Variants in CLDN16 observed in about 807,000 individuals in gnomAD.
CLDN16 encodes claudin-16.
In CLDN16, 13 loss-of-function variants were observed where a neutral mutation model predicts 24.6. That is an observed-to-expected ratio of 0.53 (90% confidence interval 0.34 to 0.84). The LOEUF (loss-of-function observed/expected upper bound fraction) is 0.84. Ranked by LOEUF, CLDN16 falls within the 40% of genes least tolerant of loss-of-function variation. The pLI is 0.01. For synonymous variants in CLDN16, 116 were observed against 106.7 expected (o/e 1.09, Z -0.54); for missense variants, 298 against 292.7 (o/e 1.02, Z -0.13).
At chr3:190,354,854 C>T (rs1348012533) in intron 1 of CLDN16, among the ~76,000 whole-genome samples, 1 of 151,988 alleles carries the variant, frequency 6.6e-6, no homozygotes, top group Non-Finnish European at 1.5e-5. Context: ...TCCATTCCTG[C>T]CCTTTCTGAA....
chr3:190,408,655 T>C (rs544345542), intron 4 of CLDN16, 150 bp downstream of exon 4: 11 of 727,090 alleles, frequency 1.5e-5, no homozygotes, highest in African/African-American at 1.2e-4. Flanking sequence ...GGCAATTGAA[T>C]TGTAATACTC....
chr3:190,375,290 GT>G (rs1465341706), intron 3 of CLDN16, among the ~76,000 whole-genome samples: 3 of 151,938 alleles, frequency 2.0e-5, no homozygotes, highest in African/African-American at 4.8e-5. Flanking sequence ...GATTTAGGCT[GT>G]TTCATTTTGT....
intron 3 of CLDN16, among the ~76,000 whole-genome samples, chr3:190,377,775 G>A (rs768678218): frequency 9.9e-5 from 15 of 151,964 alleles, no homozygotes; most frequent in African/African-American, 1.4e-4. Context: ...CTGCCCTTAT[G>A]AATCTTACAG....
At chr3:190,343,755 G>A (rs1717488740) in intron 1 of CLDN16, among the ~76,000 whole-genome samples, 1 of 152,006 alleles carries the variant, frequency 6.6e-6, no homozygotes, top group Admixed American at 6.6e-5. Context: ...TAAAAAAATG[G>A]CAGGGGAGTC....
chr3:190,408,181 G>A, intron 3 of CLDN16, 133 bp from the exon 4 acceptor site: 2 of 852,644 alleles, frequency 2.3e-6, no homozygotes, highest in Non-Finnish European at 4.1e-6. Flanking sequence ...CGAAGTTCGG[G>A]TTGCCCATGA....
intron 3 of CLDN16, among the ~76,000 whole-genome samples, chr3:190,377,057 C>A (rs1247813048): frequency 1.3e-5 from 2 of 151,804 alleles, no homozygotes; most frequent in Non-Finnish European, 2.9e-5. Context: ...ATCTTCCAGG[C>A]AACGGGAAGA....
intron 1 of CLDN16, among the ~76,000 whole-genome samples, chr3:190,337,916 T>A (rs1717347090): frequency 6.6e-6 from 1 of 152,184 alleles, no homozygotes; most frequent in East Asian, 1.9e-4. Flanking sequence ...ATTGAATCAA[T>A]TAGTGGCAGC....
chr3:190,303,390 C>G, the CLDN16 span, among the ~76,000 whole-genome samples: 1 of 152,134 alleles, frequency 6.6e-6, no homozygotes, highest in Non-Finnish European at 1.5e-5. Flanking sequence ...GAAGTAAAAG[C>G]CTCTTCAGCA....
intron 1 of CLDN16, among the ~76,000 whole-genome samples, chr3:190,339,760 G>A (rs113410278): frequency 0.03 from 4,494 of 152,114 alleles, 109 homozygotes; most frequent in East Asian, 0.082. Flanking sequence ...CTACTCCTGC[G>A]GAGCTTGTAG....
At chr3:190,314,929 A>T in the CLDN16 span, among the ~76,000 whole-genome samples, 1 of 152,156 alleles carries the variant, frequency 6.6e-6, no homozygotes, top group Non-Finnish European at 1.5e-5. Context: ...ATCAAAACAC[A>T]TGTTCCACGG....
upstream of CLDN16, chr3:190,388,101 A>G (rs1230560274): frequency 6.2e-7 from 1 of 1,612,454 alleles, no homozygotes; most frequent in Non-Finnish European, 8.5e-7. Context: ...TTCTGATTGG[A>G]GGCTGGTTGC....
the CLDN16 span, among the ~76,000 whole-genome samples, chr3:190,294,643 A>G: frequency 6.6e-6 from 1 of 152,130 alleles, no homozygotes; most frequent in Non-Finnish European, 1.5e-5. Flanking sequence ...TTATTAATAT[A>G]TTCAATAAAC....
intron 1 of CLDN16, among the ~76,000 whole-genome samples, chr3:190,399,464 C>T (rs892531329): frequency 6.6e-6 from 1 of 152,072 alleles, no homozygotes; most frequent in African/African-American, 2.4e-5. Context: ...GTGAGCCGAT[C>T]GCGCCATTGC....
the CLDN16 span, among the ~76,000 whole-genome samples, chr3:190,302,192 T>G: frequency 1.3e-5 from 2 of 152,214 alleles, no homozygotes; most frequent in South Asian, 4.1e-4. Flanking sequence ...AAATTATTTC[T>G]TAAACTTCAC....
rs542527344 is a variant in CLDN16, at chr3:190,405,428, G to GAAA, written c.382+519_382+521dup. On this transcript the variant is annotated intron_variant, in intron 3 of 4. Transcript: ENST00000264734. ...CAACAGAGCAAGACTCCGTCTCACG[G>GAAA]AAAAAAAAAAAAAAAAAAAGGAAAT... Among the ~76,000 whole-genome samples the GAAA allele has an allele frequency of 3.9e-3, 315 of 81,120 alleles. 3 individuals carry two copies. The South Asian group carries it at 0.046, about 12-fold the overall frequency. 53.2% of individuals were successfully genotyped at this position (81,120 alleles called of 152,430 possible). A position where few individuals can be genotyped will look rare whatever the true frequency, so the allele number is the denominator to read the frequency against.
intron 1 of CLDN16, among the ~76,000 whole-genome samples, chr3:190,368,676 T>C (rs147384083): frequency 6.6e-6 from 1 of 152,094 alleles, no homozygotes; most frequent in East Asian, 2.0e-4. Flanking sequence ...TATTCTCCTA[T>C]TTCCTGGATG....
intron 1 of CLDN16, among the ~76,000 whole-genome samples, chr3:190,352,626 G>A (rs1237839023): frequency 3.3e-5 from 5 of 152,056 alleles, no homozygotes; most frequent in Non-Finnish European, 7.4e-5. Context: ...GAAAACTGCT[G>A]TATTTGAATG....
At chr3:190,395,892 C>CATAG (rs376620560) in intron 1 of CLDN16, among the ~76,000 whole-genome samples, 118 of 151,954 alleles carry the variant, frequency 7.8e-4, no homozygotes, top group Middle Eastern at 3.4e-3. Flanking sequence ...TAGATAGATA[C>CATAG]ATAGATAGAT....
Position 190,388,192 on chromosome 3 carries a change from C to T in CLDN16, c.-138C>T, listed in dbSNP as rs967711721. ...TTACTGCAACTCAAGACACCTGCAG[C>T]AGGGCGTGAGAAAAAGTAAAAGACC... On this transcript the variant is annotated 5_prime_UTR_variant, in exon 1 of 5. Transcript: ENST00000264734. 2.5e-6 allele frequency: 4 copies of T among 1,613,934 alleles called. No individual in the cohort carries two copies. The highest frequency in any genetic ancestry group is 1.7e-5 in the Admixed American group (1 of 59,984).
Sources: allele counts gnomAD v4.1 joint callset (sites outside exome capture counted in the v4.1 genomes callset), GRCh38; gene constraint gnomAD v4.1.1; transcripts MANE v1.5; gene names NCBI Gene and HGNC (gene_info 2026-07-23, HGNC 2026-07-21).